Variants in MPPE1 observed in about 807,000 individuals in gnomAD.
MPPE1 encodes the protein metallo phosphoesterase.
MPPE1 carries 28 observed loss-of-function variants against 43.8 expected under a neutral mutation model. That is an observed-to-expected ratio of 0.64 (90% CI 0.47 to 0.88). The LOEUF (loss-of-function observed/expected upper bound fraction) is 0.88, where lower values mean the gene tolerates loss of function less well. MPPE1 is among the 40% of genes least tolerant of loss of function. The pLI, the probability that MPPE1 is intolerant of heterozygous loss-of-function variation, is 0.00. For synonymous variants in MPPE1, 159 were observed against 188.5 expected, an observed-to-expected ratio of 0.84 and a Z score of 1.28; for missense variants, 428 against 492.2, an observed-to-expected ratio of 0.87 and a Z score of 1.23.
intron 2 of MPPE1, among the ~76,000 whole-genome samples, chr18:11,903,930 C>G (rs1440926690): frequency 6.6e-6 from 1 of 152,246 alleles, no homozygotes; most frequent in African/African-American, 2.4e-5. Context: ...ATAACTTTCA[C>G]TCCTGCTCAG....
chr18:11,888,566 A>C lies in MPPE1; in HGVS notation c.569+103T>G, dbSNP rs945925190. ...TGTTTAAAGATCATAAACCAGGCTA[A>C]ACAGAACGCAGGTAGATGATAGATC... is the stretch of plus-strand genomic sequence containing the variant. On this transcript the variant is annotated intron_variant, in intron 6 of 10. Coordinates refer to ENST00000588072, the MANE Select transcript of MPPE1 (RefSeq NM_023075.6). The C allele has an allele frequency of 1.6e-5, 11 of 704,308 alleles. 1 individual carries two copies. Among genetic ancestry groups the C allele is most frequent in the African/African-American group, 1.1e-4 (6 of 54,418 alleles). The allele number at this position is 704,308 out of a possible 1,614,324, so 43.6% of individuals were successfully genotyped here. A position where few individuals can be genotyped will look rare whatever the true frequency, so the allele number is the denominator to read the frequency against.
chr18:11,904,962 A>C (rs1035593991), intron 2 of MPPE1, among the ~76,000 whole-genome samples: 3 of 151,942 alleles, frequency 2.0e-5, no homozygotes, highest in African/African-American at 7.3e-5. Context: ...GAAGAAAAAA[A>C]AAGATAACAG....
At chr18:11,889,556 GATCCCT>G in intron 4 of MPPE1, 66 bp from the exon 5 acceptor site, 1 of 1,283,070 alleles carries the variant, frequency 7.8e-7, no homozygotes. Context: ...AAAAAAACAG[GATCCCT>G]ATTTTGTTTT....
chr18:11,896,933 A>C, intron 3 of MPPE1, 51 bp downstream of exon 3: 1 of 1,535,478 alleles, frequency 6.5e-7, no homozygotes, highest in Non-Finnish European at 8.9e-7. Context: ...GGAGAGGGCT[A>C]TACCGTTTTG....
At chr18:11,903,663 G>A (rs1007073711) in intron 2 of MPPE1, among the ~76,000 whole-genome samples, 6 of 152,114 alleles carry the variant, frequency 3.9e-5, no homozygotes, top group East Asian at 1.9e-4. Flanking sequence ...AAAATTAGCC[G>A]GGCGTGGTTG....
intron 2 of MPPE1, among the ~76,000 whole-genome samples, chr18:11,898,419 C>T (rs1395086622): frequency 6.6e-6 from 1 of 152,034 alleles, no homozygotes; most frequent in East Asian, 1.9e-4. Flanking sequence ...TAGTCTACTC[C>T]CTGTTCTGAG....
chr18:11,893,964 T>C (rs762437610), intron 3 of MPPE1, among the ~76,000 whole-genome samples: 1 of 152,180 alleles, frequency 6.6e-6, no homozygotes, highest in Non-Finnish European at 1.5e-5. Context: ...CTAGCTTAAT[T>C]TTAGCTTCTT....
At chr18:11,888,601 C>G in intron 6 of MPPE1, 68 bp downstream of exon 6, 1 of 921,872 alleles carries the variant, frequency 1.1e-6, no homozygotes, top group Non-Finnish European at 1.7e-6. Flanking sequence ...CCCAGTATGG[C>G]AGGCACCTTT....
rs374298301 is a variant in MPPE1, at chr18:11,893,518, C to T, written c.340G>A (p.Val114Ile). The part of the protein sequence containing the change: ...TALWLLQPEV[V>I]FILGDIFDEG... ...TCAAAGATATCCCCCAGGATGAAGA[C>T]GACTTCCGGCTGCAGCAACCACAGA... Residue 114 changes from valine to isoleucine, a missense_variant, in exon 4 of 11, where the codon GTC becomes ATC. This residue lies in a region of MPPE1 where 379 missense variants were observed against 402.5 expected (regional missense o/e 0.94). Coordinates refer to ENST00000588072, the MANE Select transcript of MPPE1 (RefSeq NM_023075.6). 102 of 1,614,036 alleles carry T rather than the reference C, an allele frequency of 6.3e-5. No homozygotes were observed. Among genetic ancestry groups the T allele is most frequent in the Non-Finnish European group, 8.1e-5 (96 of 1,180,028 alleles).
At chr18:11,887,402 A>G (rs562782836) in intron 6 of MPPE1, among the ~76,000 whole-genome samples, 4 of 152,298 alleles carry the variant, frequency 2.6e-5, no homozygotes, top group Admixed American at 6.5e-5. Context: ...TGAGGATTCA[A>G]TGAAATGACA....
chr18:11,888,069 T>C (rs1366860923), intron 6 of MPPE1, among the ~76,000 whole-genome samples: 1 of 152,194 alleles, frequency 6.6e-6, no homozygotes, highest in Non-Finnish European at 1.5e-5. Context: ...GTATAGAGTA[T>C]AGAGTCCTGT....
At chr18:11,889,304 A>G in intron 5 of MPPE1, 83 bp downstream of exon 5, 2 of 859,450 alleles carry the variant, frequency 2.3e-6, no homozygotes, top group Non-Finnish European at 3.6e-6. Context: ...CAGCACAAAT[A>G]GGGCTTTCAC....
Position 11,884,508 on chromosome 18 carries a change from A to C in MPPE1, c.1128T>G (p.Phe376Leu). ...AAAGAAAAGGTGAGGCTAGAAGCCCAAAGTGAGTGAGTGTGAGGACCACAA... is the reference window on the plus strand; with the variant it reads ...AAAGAAAAGGTGAGGCTAGAAGCCCCAAGTGAGTGAGTGTGAGGACCACAA... The part of the protein sequence containing the change: ...GFLVVLTLTH[F>L]GLLASPFLSG... The change falls in exon 11 of 11, where the codon TTT (phenylalanine) becomes TTG (leucine). Residue 376 changes from phenylalanine (F) to leucine (L), a missense_variant. Phe to Leu is a conservative substitution (Grantham distance 22). Transcript: ENST00000588072. 11 of 1,614,198 alleles carry C rather than the reference A, an allele frequency of 6.8e-6. No individual in the cohort carries two copies. The highest frequency in any genetic ancestry group is 8.5e-6 in the Non-Finnish European group (10 of 1,180,030).
In MPPE1 at chr18:11,889,468, C is replaced by G. The variant is rs11872520; in HGVS notation, c.413G>C (p.Arg138Pro). ...TGGGTGTCTGAACATTTTCTGAAAC[C>G]GCTCCACATCATCCGCCCAGGCCTG... ...TPEAWADDVE[R>P]FQKMFRHPSH... is the part of the protein sequence containing the mutation. Residue 138 changes from arginine to proline, a missense_variant, in exon 5 of 11, where the codon CGG becomes CCG. By Grantham distance (103) the Arg-to-Pro change is moderately radical. Transcript: ENST00000588072. 16 of 1,613,018 alleles carry G rather than the reference C, an allele frequency of 9.9e-6. No homozygotes were observed. The highest frequency in any genetic ancestry group is 1.4e-5 in the Non-Finnish European group (16 of 1,179,522).
intron 10 of MPPE1, chr18:11,884,943 A>G (rs1307355044): frequency 1.5e-6 from 2 of 1,291,984 alleles, no homozygotes; most frequent in African/African-American, 1.5e-5. Context: ...CATAACAGAG[A>G]TTCAGAGAGG....
chr18:11,904,357 C>T (rs2039503164), intron 2 of MPPE1, among the ~76,000 whole-genome samples: 1 of 151,694 alleles, frequency 6.6e-6, no homozygotes. Context: ...CCCTGTCACC[C>T]ACGCTGGAGT....
Position 11,886,389 on chromosome 18 carries a change from A to T in MPPE1, c.867+110T>A. Reference sequence around the variant, plus strand: ...TGTCCCCCCAGGTGATAACTAAGTCATGAACGTTTCAGCAAACACCTGCTC... The same window carrying T: ...TGTCCCCCCAGGTGATAACTAAGTCTTGAACGTTTCAGCAAACACCTGCTC... On this transcript the variant is annotated intron_variant, in intron 9 of 10. Coordinates refer to ENST00000588072, the MANE Select transcript of MPPE1 (RefSeq NM_023075.6). This position sits in a 1 kb window ranked among gnomAD's most constrained non-coding sequence, Gnocchi z 4.1. 1 of 1,494,964 alleles carries T rather than the reference A, an allele frequency of 6.7e-7. No individual in the cohort carries two copies. Among genetic ancestry groups the T allele is most frequent in the Non-Finnish European group, 9.3e-7 (1 of 1,080,284 alleles). 92.6% of individuals were successfully genotyped at this position (1,494,964 alleles called of 1,614,324 possible).
chr18:11,898,550 T>A (rs892361629), intron 2 of MPPE1, among the ~76,000 whole-genome samples: 10 of 152,296 alleles, frequency 6.6e-5, no homozygotes, highest in Non-Finnish European at 1.2e-4. Context: ...AGGCCAGAGG[T>A]AACAAAGATT....
chr18:11,888,835 T>G (rs2037640412), intron 5 of MPPE1, 92 bp from the exon 6 acceptor site: 1 of 662,246 alleles, frequency 1.5e-6, no homozygotes, highest in African/African-American at 1.9e-5. Context: ...TTTCAACACT[T>G]GAGTTTCAGA....
Sources: allele counts gnomAD v4.1 joint callset (sites outside exome capture counted in the v4.1 genomes callset), GRCh38; gene constraint gnomAD v4.1.1; regional missense constraint gnomAD v4.1.1; non-coding constraint Gnocchi (gnomAD v3.1); transcripts MANE v1.5; gene names NCBI Gene and HGNC (gene_info 2026-07-23, HGNC 2026-07-21).